Variants in MLIP observed in about 807,000 individuals in gnomAD.
MLIP encodes the protein muscular LMNA interacting protein.
In MLIP, 79 loss-of-function variants were observed where a neutral mutation model predicts 84.8. The observed-to-expected ratio is 0.93, with a 90% CI of 0.78 to 1.12. The LOEUF is 1.12. Among genes scored for constraint, MLIP ranks in the 50% most tolerant of loss-of-function variants. MLIP has a pLI of 0.00. For missense variants in MLIP, 1,257 were observed against 1,160.6 expected (o/e 1.08, Z -1.21); for synonymous variants, 504 against 463.0 (o/e 1.09, Z -1.14).
chr6:54,198,929 G>A (rs933981333), intron 10 of MLIP, among the ~76,000 whole-genome samples: 7 of 151,688 alleles, frequency 4.6e-5, no homozygotes, highest in African/African-American at 1.7e-4. Context: ...TGTGTGAAGA[G>A]AGTGGATGTG....
intron 1 of MLIP, chr6:54,046,432 T>C (rs995760921): frequency 6.6e-6 from 1 of 152,154 alleles, no homozygotes; most frequent in Non-Finnish European, 1.5e-5. Flanking sequence ...TGTTGATATA[T>C]ATTCTTCATA....
At chr6:54,220,349 A>AATATT (rs1780139482) in intron 11 of MLIP, among the ~76,000 whole-genome samples, 1 of 152,212 alleles carries the variant, frequency 6.6e-6, no homozygotes, top group Non-Finnish European at 1.5e-5. Context: ...CAAGGTACTC[A>AATATT]ATATTATAAT....
intron 1 of MLIP, among the ~76,000 whole-genome samples, chr6:54,074,604 C>T (rs531613402): frequency 4.3e-4 from 65 of 152,146 alleles, no homozygotes; most frequent in African/African-American, 7.2e-4. Flanking sequence ...CCTCTTGTGC[C>T]GGTGTTTAAC....
intron 13 of MLIP, among the ~76,000 whole-genome samples, chr6:54,258,596 G>C (rs545742740): frequency 7.2e-5 from 11 of 152,096 alleles, no homozygotes; most frequent in African/African-American, 2.6e-4. Context: ...CACATGAGGA[G>C]TGTGTTATAA....
chr6:54,099,849 A>T (rs1316392478), intron 1 of MLIP, among the ~76,000 whole-genome samples: 1 of 152,186 alleles, frequency 6.6e-6, no homozygotes, highest in African/African-American at 2.4e-5. Context: ...AACTGAGAAT[A>T]CAGCTTCATT....
chr6:54,225,381 A>G (rs140974688), intron 11 of MLIP, among the ~76,000 whole-genome samples: 7 of 152,304 alleles, frequency 4.6e-5, no homozygotes, highest in South Asian at 2.1e-4. Flanking sequence ...TTGTGAATCT[A>G]AGCATATCTA....
At chr6:54,217,655 CT>C (rs1342682516) in intron 11 of MLIP, 1 of 983,198 alleles carries the variant, frequency 1.0e-6, no homozygotes, top group Non-Finnish European at 1.2e-6. Context: ...TCAGTAAAGC[CT>C]TTTTTTGAAA....
chr6:54,110,957 A>G (rs1277770474), upstream of MLIP, among the ~76,000 whole-genome samples: 2 of 152,226 alleles, frequency 1.3e-5, no homozygotes, highest in Admixed American at 6.5e-5. Context: ...TACAATTTAT[A>G]TACTAAGGAT....
intron 8 of MLIP, among the ~76,000 whole-genome samples, chr6:54,162,474 A>G (rs577859664): frequency 3.3e-5 from 5 of 151,950 alleles, no homozygotes; most frequent in Admixed American, 6.6e-5. Flanking sequence ...AAATGGGGAG[A>G]CATAGAACCA....
chr6:54,143,147 G>A (rs535649388), intron 4 of MLIP, among the ~76,000 whole-genome samples: 2 of 151,242 alleles, frequency 1.3e-5, no homozygotes, highest in Admixed American at 6.6e-5. Flanking sequence ...GTAACGGTTC[G>A]CACTCAGGTG....
intron 11 of MLIP, among the ~76,000 whole-genome samples, chr6:54,207,283 G>T (rs968487987): frequency 6.6e-6 from 1 of 151,830 alleles, no homozygotes; most frequent in African/African-American, 2.4e-5. Context: ...TCATCAGCAC[G>T]ATAAACTAGT....
chr6:54,199,550 C>T (rs906957521), intron 10 of MLIP, among the ~76,000 whole-genome samples: 4 of 152,044 alleles, frequency 2.6e-5, no homozygotes, highest in Admixed American at 2.6e-4. Flanking sequence ...GGTGCAGAGG[C>T]TACCATGCAG....
chr6:54,083,651 A>G, intron 1 of MLIP: 1 of 1,533,602 alleles, frequency 6.5e-7, no homozygotes, highest in Non-Finnish European at 8.7e-7. Context: ...CAATTCCTTG[A>G]TACTGTCACC....
chr6:54,087,183 C>G (rs1026599709), intron 1 of MLIP, among the ~76,000 whole-genome samples: 7 of 152,130 alleles, frequency 4.6e-5, no homozygotes, highest in Non-Finnish European at 8.8e-5. Context: ...GGAATGGTTT[C>G]TGGAAGTCTA....
intron 2 of MLIP, among the ~76,000 whole-genome samples, 179 bp from the exon 3 acceptor site, chr6:54,124,294 G>C (rs1282528055): frequency 6.6e-6 from 1 of 152,156 alleles, no homozygotes; most frequent in Non-Finnish European, 1.5e-5. Context: ...AGGAAAAACA[G>C]GTGGGCTAGT....
chr6:54,078,091 C>T (rs1362150407), intron 1 of MLIP, among the ~76,000 whole-genome samples: 2 of 152,090 alleles, frequency 1.3e-5, no homozygotes, highest in Non-Finnish European at 2.9e-5. Flanking sequence ...TTCAACTGGC[C>T]CAATTTACCT....
intron 11 of MLIP, among the ~76,000 whole-genome samples, chr6:54,230,127 C>G (rs1349175457): frequency 6.6e-6 from 1 of 152,174 alleles, no homozygotes; most frequent in African/African-American, 2.4e-5. Flanking sequence ...CTCTCCAAAA[C>G]AACACATTGC....
chr6:54,226,799 G>A (rs1269048397), intron 11 of MLIP, among the ~76,000 whole-genome samples: 1 of 152,106 alleles, frequency 6.6e-6, no homozygotes, highest in Non-Finnish European at 1.5e-5. Flanking sequence ...AAATAAAAGG[G>A]CCTCTTGGAA....
intron 1 of MLIP, among the ~76,000 whole-genome samples, chr6:54,038,688 T>G (rs75478696): frequency 0.093 from 14,090 of 151,856 alleles, 691 homozygotes; most frequent in South Asian, 0.12. Flanking sequence ...GACACTTTGC[T>G]CTCTGCTTTC....
Sources: gnomAD v4.1 joint callset for allele counts (sites outside exome capture counted in the v4.1 genomes callset) on GRCh38, gnomAD v4.1.1 for gene constraint, MANE v1.5 for transcripts, NCBI Gene and HGNC (gene_info 2026-07-23, HGNC 2026-07-21) for gene names.